Variants in RSRC1 observed in about 807,000 individuals in gnomAD.
RSRC1 encodes the protein serine/Arginine-related protein 53.
In RSRC1, 39 loss-of-function variants were observed where a neutral mutation model predicts 49.1. The ratio of observed to expected loss-of-function variants is 0.79; its 90% CI spans 0.61 to 1.04. The LOEUF is 1.04. Ranked by LOEUF, RSRC1 falls within the 50% of genes least tolerant of loss-of-function variation. The pLI is 0.00. For synonymous variants in RSRC1, 143 were observed against 130.8 expected, an observed-to-expected ratio of 1.09 and a Z score of -0.63; for missense variants, 388 against 402.4, an observed-to-expected ratio of 0.96 and a Z score of 0.31.
intron 4 of RSRC1, among the ~76,000 whole-genome samples, chr3:158,243,856 G>A (rs1452257545): frequency 4.0e-5 from 6 of 151,878 alleles, no homozygotes; most frequent in African/African-American, 7.3e-5. Context: ...TGTTATTGAC[G>A]TAGAGGAATG....
chr3:158,129,401 G>A (rs886129325), intron 3 of RSRC1, among the ~76,000 whole-genome samples: 2 of 144,470 alleles, frequency 1.4e-5, no homozygotes, highest in African/African-American at 2.6e-5. Flanking sequence ...AGTGATTCTC[G>A]TGCCTCAGCC....
At chr3:158,110,451 G>T (rs902146487) in intron 1 of RSRC1, 2 of 152,602 alleles carry the variant, frequency 1.3e-5, no homozygotes. Context: ...TGGGTGGGTG[G>T]CCGCAGGCCT....
chr3:158,140,577 G>T, intron 3 of RSRC1, among the ~76,000 whole-genome samples: 1 of 152,084 alleles, frequency 6.6e-6, no homozygotes, highest in East Asian at 1.9e-4. Context: ...GCCTTATTTG[G>T]AATTCAGATC....
intron 3 of RSRC1, among the ~76,000 whole-genome samples, chr3:158,148,159 G>C (rs1717270700): frequency 6.6e-6 from 1 of 152,136 alleles, no homozygotes; most frequent in African/African-American, 2.4e-5. Context: ...TTTAAAAAGA[G>C]TAAATGATAT....
At chr3:158,180,561 C>T (rs1308545222) in intron 3 of RSRC1, among the ~76,000 whole-genome samples, 5 of 151,044 alleles carry the variant, frequency 3.3e-5, no homozygotes, top group African/African-American at 1.2e-4. Context: ...TCCCCAGGCT[C>T]AGGTGATCCT....
intron 5 of RSRC1, among the ~76,000 whole-genome samples, chr3:158,321,288 C>T (rs1380111445): frequency 1.3e-5 from 2 of 149,336 alleles, no homozygotes; most frequent in African/African-American, 2.5e-5. Flanking sequence ...CCTCTTCCTC[C>T]TCCTCCTCCT....
chr3:158,509,941 T>C (rs1230051625), intron 7 of RSRC1, among the ~76,000 whole-genome samples: 1 of 152,218 alleles, frequency 6.6e-6, no homozygotes, highest in Non-Finnish European at 1.5e-5. Context: ...AGGTTGCATA[T>C]ATGCCTAGGA....
intron 4 of RSRC1, among the ~76,000 whole-genome samples, chr3:158,274,629 A>G (rs1378592329): frequency 2.0e-5 from 3 of 152,180 alleles, no homozygotes; most frequent in African/African-American, 4.8e-5. Context: ...TGAGAATTGG[A>G]CAATTCCTTG....
At position 158,485,929 on chromosome 3, in the gene RSRC1, A is replaced by G. The variant is rs541561067; in HGVS notation, c.652+24926A>G. Among the ~76,000 whole-genome samples, 9 of 152,288 alleles carry G rather than the reference A, an allele frequency of 5.9e-5. No homozygotes were observed. The South Asian group carries it at 1.7e-3, about 28-fold the overall frequency. ...TCATATGCGTATAAAAGATTCATAT[A>G]GTATTTAAAATAATTTAGTTCGGCA... On this transcript the variant is annotated intron_variant, in intron 7 of 9. Coordinates refer to ENST00000611884, the MANE Select transcript of RSRC1 (RefSeq NM_001271838.2).
At chr3:158,337,608 C>T in intron 5 of RSRC1, among the ~76,000 whole-genome samples, 1 of 152,196 alleles carries the variant, frequency 6.6e-6, no homozygotes, top group East Asian at 1.9e-4. Flanking sequence ...GTTTCCCTTT[C>T]TTCCCTTTCT....
At chr3:158,410,381 A>G (rs976895945) in intron 6 of RSRC1, among the ~76,000 whole-genome samples, 2 of 152,184 alleles carry the variant, frequency 1.3e-5, no homozygotes, top group African/African-American at 4.8e-5. Flanking sequence ...TAAACTTTAT[A>G]TCTCAGTGAA....
chr3:158,421,602 G>GGTTGTGAA (rs1288226753), intron 6 of RSRC1, among the ~76,000 whole-genome samples: 4 of 151,828 alleles, frequency 2.6e-5, no homozygotes, highest in Admixed American at 2.0e-4. Context: ...ATGGTTGTGA[G>GGTTGTGAA]AAGGTGAAAT....
chr3:158,372,351 G>C (rs766442095), intron 6 of RSRC1, among the ~76,000 whole-genome samples: 1 of 151,788 alleles, frequency 6.6e-6, no homozygotes, highest in Non-Finnish European at 1.5e-5. Flanking sequence ...ATGGATTCTG[G>C]TTCTTTGCTT....
Position 158,518,138 on chromosome 3 carries a change from A to ATG in RSRC1, c.653-18953_653-18952insGT, listed in dbSNP as rs1232010224. The stretch of plus-strand genomic sequence containing the variant: ...TGTGTGTGTGTGTGTATATATATAT[A>ATG]TATATATATATTTTTTTTTTTTTTT... On this transcript the variant is annotated intron_variant, in intron 7 of 9. Transcript: ENST00000611884. Among the ~76,000 whole-genome samples, 145 of 82,878 alleles carry ATG rather than the reference A, an allele frequency of 1.7e-3. 6 individuals are homozygous for ATG. The highest frequency in any genetic ancestry group is 0.01 in the African/African-American group (143 of 13,866). 54.4% of individuals were successfully genotyped at this position (82,878 alleles called of 152,430 possible).
intron 7 of RSRC1, among the ~76,000 whole-genome samples, chr3:158,516,551 T>G (rs1228592447): frequency 6.6e-6 from 1 of 152,074 alleles, no homozygotes; most frequent in Admixed American, 6.5e-5. Flanking sequence ...TGTCTTTTTG[T>G]TGTCTGTGCC....
intron 3 of RSRC1, among the ~76,000 whole-genome samples, chr3:158,182,801 T>G (rs528556654): frequency 6.6e-6 from 1 of 152,298 alleles, no homozygotes; most frequent in South Asian, 2.1e-4. Context: ...CTTTTATTTC[T>G]CATGTGTAGC....
chr3:158,516,591 A>G (rs974355291), intron 7 of RSRC1, among the ~76,000 whole-genome samples: 2 of 152,194 alleles, frequency 1.3e-5, no homozygotes, highest in African/African-American at 4.8e-5. Context: ...CTACAGAGGC[A>G]GGCAGGCCTC....
chr3:158,154,211 T>C (rs1185150329), intron 3 of RSRC1, among the ~76,000 whole-genome samples: 1 of 152,194 alleles, frequency 6.6e-6, no homozygotes, highest in Non-Finnish European at 1.5e-5. Context: ...TACCTTAATT[T>C]AAAAATACCT....
At chr3:158,293,673 A>T (rs567630178) in intron 4 of RSRC1, among the ~76,000 whole-genome samples, 2 of 152,118 alleles carry the variant, frequency 1.3e-5, no homozygotes, top group East Asian at 3.9e-4. Flanking sequence ...TCTTACCTGC[A>T]TTATATTCTT....
Sources: gnomAD v4.1 joint callset for allele counts (sites outside exome capture counted in the v4.1 genomes callset) on GRCh38, gnomAD v4.1.1 for gene constraint, MANE v1.5 for transcripts, NCBI Gene and HGNC (gene_info 2026-07-23, HGNC 2026-07-21) for gene names.